The following ZNF267 variants were observed in gnomAD, a reference collection of about 807,000 sequenced individuals.
ZNF267 encodes zinc finger (C2H2).
ZNF267 carries 61 observed loss-of-function variants against 71.6 expected under a neutral mutation model. The observed-to-expected ratio is 0.85, with a 90% CI of 0.69 to 1.05. The LOEUF is 1.05. Ranked by LOEUF, ZNF267 falls within the 50% of genes least tolerant of loss-of-function variation. The probability of loss-of-function intolerance (pLI) is 0.00; values close to 1 mark genes in which losing one functional copy is unlikely to be tolerated. For missense variants in ZNF267, 852 were observed against 870.0 expected (o/e 0.98, Z 0.26); for synonymous variants, 288 against 293.2 (o/e 0.98, Z 0.18).
intron 3 of ZNF267, among the ~76,000 whole-genome samples, chr16:31,889,660 T>C (rs1246882341): frequency 6.6e-6 from 1 of 152,104 alleles, no homozygotes; most frequent in East Asian, 1.9e-4. Flanking sequence ...CTCAGTAAGT[T>C]TGCAATCAGG....
chr16:31,881,670 CTTTT>C (rs747627467), intron 1 of ZNF267, among the ~76,000 whole-genome samples: 4 of 125,510 alleles, frequency 3.2e-5, no homozygotes, highest in African/African-American at 3.1e-5. Flanking sequence ...TTTTCTTCTT[CTTTT>C]TTTTTTTTTT....
chr16:31,908,113 A>G (rs1166224905), intron 3 of ZNF267, among the ~76,000 whole-genome samples: 1 of 152,138 alleles, frequency 6.6e-6, no homozygotes, highest in Non-Finnish European at 1.5e-5. Context: ...TTAGGTACTC[A>G]GGAAGCTGAG....
intron 3 of ZNF267, among the ~76,000 whole-genome samples, chr16:31,896,521 A>C (rs2084000437): frequency 6.6e-6 from 1 of 152,138 alleles, no homozygotes; most frequent in African/African-American, 2.4e-5. Flanking sequence ...TTTTTCCTGC[A>C]TCATTTATTG....
chr16:31,915,887 A>T lies in ZNF267; in HGVS notation c.1638A>T (p.Lys546Asn). The change falls in exon 4 of 4, where the codon AAA becomes AAT. Residue 546 changes from lysine (K) to asparagine (N), a missense_variant. Physicochemically the swap from Lys to Asn is moderately conservative, Grantham distance 94. Transcript: ENST00000300870. ...IVHERIHTGE[K>N]PYKCKECGKA... ...ATGAGAGAATTCATACTGGAGAGAAACCCTATAAATGTAAAGAATGTGGCA... is the reference window on the plus strand; with the variant it reads ...ATGAGAGAATTCATACTGGAGAGAATCCCTATAAATGTAAAGAATGTGGCA... 6.2e-7 allele frequency: 1 copy of T among 1,613,768 alleles called. No individual in the cohort carries two copies. Among genetic ancestry groups the T allele is most frequent in the East Asian group, 2.2e-5 (1 of 44,864 alleles).
chr16:31,890,189 A>G (rs2083950939), intron 3 of ZNF267: 1 of 152,000 alleles, frequency 6.6e-6, no homozygotes. Context: ...TAAATATTCC[A>G]TGCTTTGTTG....
rs2084180179 is a variant in ZNF267 at position 31,916,564 on chromosome 16, A to G, written c.*83A>G. 1 of 1,313,590 alleles carries G rather than the reference A, an allele frequency of 7.6e-7. No individual in the cohort carries two copies. Among genetic ancestry groups the G allele is most frequent in the Admixed American group, 2.4e-5 (1 of 40,876 alleles). The allele number at this position is 1,313,590 out of a possible 1,614,324, so 81.4% of individuals were successfully genotyped here. ...ATAATTTATATGGGAGTGAAACCCTACAAATGTTAAGAATGTGGCATAACC... is the reference window on the plus strand; with the variant it reads ...ATAATTTATATGGGAGTGAAACCCTGCAAATGTTAAGAATGTGGCATAACC... On this transcript the variant is annotated 3_prime_UTR_variant, in exon 4 of 4. Transcript: ENST00000300870.
At chr16:31,882,407 G>A (rs1195866733) in intron 1 of ZNF267, among the ~76,000 whole-genome samples, 1 of 152,178 alleles carries the variant, frequency 6.6e-6, no homozygotes, top group Non-Finnish European at 1.5e-5. Flanking sequence ...TCTGTGCTGT[G>A]TCTGCTTCCT....
chr16:31,886,046 C>T (rs1181212938), intron 3 of ZNF267, among the ~76,000 whole-genome samples: 1 of 152,140 alleles, frequency 6.6e-6, no homozygotes, highest in Non-Finnish European at 1.5e-5. Context: ...ATAATTTTGT[C>T]TGGTTCAGTA....
At chr16:31,892,965 C>G (rs1323506441) in intron 3 of ZNF267, among the ~76,000 whole-genome samples, 1 of 152,246 alleles carries the variant, frequency 6.6e-6, no homozygotes, top group African/African-American at 2.4e-5. Flanking sequence ...CACAGCTCCA[C>G]TAGGCTGTGC....
intron 3 of ZNF267, among the ~76,000 whole-genome samples, chr16:31,896,995 G>A (rs1024792642): frequency 4.6e-5 from 7 of 151,390 alleles, no homozygotes; most frequent in Non-Finnish European, 1.0e-4. Context: ...TCTTAGTTAC[G>A]TTCATTGCTA....
intron 1 of ZNF267, among the ~76,000 whole-genome samples, chr16:31,874,839 G>T (rs2083840690): frequency 6.6e-6 from 1 of 152,096 alleles, no homozygotes; most frequent in Admixed American, 6.5e-5. Context: ...TAAATTTCCA[G>T]TTCCTTCCCG....
chr16:31,912,880 T>C (rs1353789214), intron 3 of ZNF267: 4 of 152,144 alleles, frequency 2.6e-5, no homozygotes, highest in Non-Finnish European at 5.9e-5. Flanking sequence ...ACCTCTTTGT[T>C]TGATTTATCT....
chr16:31,915,234 G>A lies in ZNF267; in HGVS notation c.985G>A (p.Asp329Asn). The A allele has an allele frequency of 1.2e-6, 2 of 1,613,854 alleles. No individual in the cohort carries two copies. The highest frequency in any genetic ancestry group is 1.7e-6 in the Non-Finnish European group (2 of 1,179,922). ...EKPYKCEKCG[D>N]SLNHSLHLTQ... ...ACCATACAAATGTGAAAAATGTGGG[G>A]ATAGCTTAAACCATAGTTTGCACCT... Residue 329 changes from aspartate to asparagine, a missense_variant, in exon 4 of 4, where the codon GAT (aspartate) becomes AAT (asparagine). Transcript: ENST00000300870.
chr16:31,883,241 A>G (rs1474544021), intron 1 of ZNF267, among the ~76,000 whole-genome samples: 1 of 152,198 alleles, frequency 6.6e-6, no homozygotes, highest in Non-Finnish European at 1.5e-5. Flanking sequence ...AGACTCAGAA[A>G]CAAGAGCCTT....
At chr16:31,897,565 T>G (rs984587627) in intron 3 of ZNF267, among the ~76,000 whole-genome samples, 1 of 152,102 alleles carries the variant, frequency 6.6e-6, no homozygotes, top group Non-Finnish European at 1.5e-5. Context: ...CCCCCAAGAT[T>G]GTTTGGCTAT....
chr16:31,879,621 C>T (rs2083876055), intron 1 of ZNF267, among the ~76,000 whole-genome samples: 1 of 152,200 alleles, frequency 6.6e-6, no homozygotes, highest in African/African-American at 2.4e-5. Flanking sequence ...CAGCAAAGTG[C>T]CCATTGCCCC....
At chr16:31,906,434 G>A (rs1426520770) in intron 3 of ZNF267, among the ~76,000 whole-genome samples, 2 of 152,222 alleles carry the variant, frequency 1.3e-5, no homozygotes, top group Non-Finnish European at 2.9e-5. Flanking sequence ...CCCAGTTGGA[G>A]CTTCCGGACC....
At chr16:31,885,093 A>G (rs1484353081) in intron 2 of ZNF267, 68 bp from the exon 3 acceptor site, 1 of 1,360,986 alleles carries the variant, frequency 7.3e-7, no homozygotes, top group East Asian at 2.5e-5. Context: ...GGGGCCAAAA[A>G]AAAGTATAAA....
Position 31,915,743 on chromosome 16 carries a change from C to T in ZNF267, c.1494C>T (p.Gly498=). ...AGCCTTATAAATGTAAAGAATGTGG[C>T]AAAGTCTTTAGCCGTAGTTCTTGCC... ...GEKPYKCKEC[G]KVFSRSSCLT... is the part of the protein sequence containing the mutation. The change falls in exon 4 of 4, where the codon GGC becomes GGT. Residue 498 remains glycine, a synonymous_variant. Transcript: ENST00000300870. 2 of 1,613,122 alleles carry T rather than the reference C, an allele frequency of 1.2e-6. No homozygotes were observed. Among genetic ancestry groups the T allele is most frequent in the Non-Finnish European group, 1.7e-6 (2 of 1,179,836 alleles).
Sources: allele counts gnomAD v4.1 joint callset (sites outside exome capture counted in the v4.1 genomes callset), GRCh38; gene constraint gnomAD v4.1.1; transcripts MANE v1.5; gene names NCBI Gene and HGNC (gene_info 2026-07-23, HGNC 2026-07-21).